The following BLTP1 variants were observed in gnomAD, a reference collection of about 807,000 sequenced individuals.
BLTP1 encodes bridge-like lipid transfer protein family member 1, also known as fragile site-associated protein.
At chr4:122,200,233 A>G in the BLTP1 span, 7 of 984,732 alleles carry the variant, frequency 7.1e-6, no homozygotes, top group Non-Finnish European at 8.4e-6. Flanking sequence ...GCTGATAAAT[A>G]GTGCTGTGTG....
chr4:122,328,381 A>C, the BLTP1 span: 77 of 1,573,848 alleles, frequency 4.9e-5, no homozygotes, highest in Non-Finnish European at 6.4e-5. Context: ...TTTTAAGATC[A>C]TAATGTAGTA....
At chr4:122,315,702 C>G in the BLTP1 span, 44,598 of 1,611,670 alleles carry the variant, frequency 0.028, 751 homozygotes, top group Non-Finnish European at 0.035. Flanking sequence ...AGTAAACTCA[C>G]TGTTAGAATT....
the BLTP1 span, among the ~76,000 whole-genome samples, chr4:122,164,167 G>A: frequency 6.6e-6 from 1 of 152,188 alleles, no homozygotes; most frequent in African/African-American, 2.4e-5. Context: ...AGAAAGATGT[G>A]ATTATAGAGT....
the BLTP1 span, among the ~76,000 whole-genome samples, chr4:122,211,749 GATT>G: frequency 6.6e-6 from 1 of 152,126 alleles, no homozygotes; most frequent in Non-Finnish European, 1.5e-5. Flanking sequence ...TCTGTAGAAT[GATT>G]ATGAAGAGAG....
the BLTP1 span, among the ~76,000 whole-genome samples, chr4:122,304,103 A>G: frequency 6.6e-6 from 1 of 152,172 alleles, no homozygotes; most frequent in Admixed American, 6.6e-5. Flanking sequence ...GACTTCAACA[A>G]CCACTACCAT....
At chr4:122,256,271 G>A in the BLTP1 span, among the ~76,000 whole-genome samples, 24 of 152,312 alleles carry the variant, frequency 1.6e-4, no homozygotes, top group African/African-American at 4.3e-4. Context: ...TAAGGCTGGT[G>A]TAGTACTTTT....
At chr4:122,278,866 A>G in the BLTP1 span, among the ~76,000 whole-genome samples, 6,455 of 152,292 alleles carry the variant, frequency 0.042, 201 homozygotes, top group Middle Eastern at 0.15. Flanking sequence ...TCCCGAGCTC[A>G]AGTGATCTGC....
At chr4:122,315,404 G>T in the BLTP1 span, 1 of 1,602,218 alleles carries the variant, frequency 6.2e-7, no homozygotes. Flanking sequence ...ACTTTGTAAA[G>T]TTATTTCAAT....
the BLTP1 span, among the ~76,000 whole-genome samples, chr4:122,161,435 CTTT>C: frequency 3.6e-5 from 5 of 140,488 alleles, no homozygotes; most frequent in Admixed American, 7.1e-5. Flanking sequence ...CTTTTGTTTT[CTTT>C]TTTTTTTTTT....
At chr4:122,306,610 A>C in the BLTP1 span, 7 of 976,696 alleles carry the variant, frequency 7.2e-6, no homozygotes, top group Non-Finnish European at 8.5e-6. Context: ...ATTTACTTTT[A>C]TATCCCAGGG....
chr4:122,243,782 C>A, the BLTP1 span: 1 of 1,396,710 alleles, frequency 7.2e-7, no homozygotes, highest in South Asian at 1.9e-5. Flanking sequence ...CATGTGTTCA[C>A]TCATCTTAAG....
the BLTP1 span, chr4:122,224,430 G>A: frequency 3.3e-6 from 5 of 1,501,606 alleles, no homozygotes; most frequent in Non-Finnish European, 4.5e-6. Context: ...GGGGTGTGGG[G>A]GGAAACAACT....
At chr4:122,276,058 TA>T in the BLTP1 span, 1 of 1,500,418 alleles carries the variant, frequency 6.7e-7, no homozygotes, top group Non-Finnish European at 9.0e-7. Flanking sequence ...GCTTTGTAAT[TA>T]CTGTAGTATT....
chr4:122,152,725 C>A, the BLTP1 span: 3 of 813,656 alleles, frequency 3.7e-6, no homozygotes, highest in Non-Finnish European at 4.5e-6. Context: ...TATTCCTTTG[C>A]CATCCTTACC....
the BLTP1 span, among the ~76,000 whole-genome samples, chr4:122,345,637 T>C: frequency 0.05 from 7,589 of 152,098 alleles, 269 homozygotes; most frequent in Non-Finnish European, 0.075. Context: ...AATTGGGTTC[T>C]GATTATTTCG....
the BLTP1 span, among the ~76,000 whole-genome samples, chr4:122,219,798 A>G: frequency 1.3e-5 from 2 of 152,060 alleles, no homozygotes; most frequent in African/African-American, 2.4e-5. Context: ...CTTCTTTGCT[A>G]TATGTGTAAT....
the BLTP1 span, among the ~76,000 whole-genome samples, chr4:122,216,287 A>G: frequency 6.6e-6 from 1 of 152,194 alleles, no homozygotes; most frequent in Non-Finnish European, 1.5e-5. Context: ...GTAAATACCC[A>G]GTAGTGGAAT....
the BLTP1 span, among the ~76,000 whole-genome samples, chr4:122,244,398 C>T: frequency 6.6e-6 from 1 of 152,162 alleles, no homozygotes; most frequent in African/African-American, 2.4e-5. Context: ...GTGGGTTCTG[C>T]ATCCCACAAA....
At chr4:122,209,007 TAA>T in the BLTP1 span, 16 of 608,720 alleles carry the variant, frequency 2.6e-5, 1 homozygote, top group Non-Finnish European at 3.2e-5. Context: ...AAAAAAAAGA[TAA>T]ATAATACAAT....
Sources: gnomAD v4.1 joint callset for allele counts (sites outside exome capture counted in the v4.1 genomes callset) on GRCh38, gnomAD v4.1.1 for gene constraint, MANE v1.5 for transcripts, NCBI Gene and HGNC (gene_info 2026-07-23, HGNC 2026-07-21) for gene names.